NRCAM: variants seen among roughly 807,000 people sequenced by gnomAD.
The protein encoded by NRCAM is NgCAM-related cell adhesion molecule.
In NRCAM, 83 loss-of-function variants were observed where a neutral mutation model predicts 156.5. That is an observed-to-expected ratio of 0.53 (90% CI 0.44 to 0.64). The LOEUF is 0.64. Among genes scored for constraint, NRCAM ranks in the 30% least tolerant of loss-of-function variants. The pLI, the probability that NRCAM is intolerant of heterozygous loss-of-function variation, is 0.00. For missense variants in NRCAM, 1,417 were observed against 1,597.3 expected (o/e 0.89, Z 1.92); for synonymous variants, 538 against 563.9 (o/e 0.95, Z 0.65).
intron 2 of NRCAM, among the ~76,000 whole-genome samples, chr7:108,375,595 A>C (rs766248919): frequency 1.3e-5 from 2 of 152,178 alleles, no homozygotes; most frequent in Non-Finnish European, 2.9e-5. Flanking sequence ...AAGAAAAGAC[A>C]TGAGAGATAA....
At chr7:108,218,378 A>G (rs1419287069) in intron 11 of NRCAM, among the ~76,000 whole-genome samples, 1 of 152,228 alleles carries the variant, frequency 6.6e-6, no homozygotes, top group Non-Finnish European at 1.5e-5. Flanking sequence ...GCTCCTATTC[A>G]GCCATCTTTC....
chr7:108,153,748 C>A (rs1038208050), intron 32 of NRCAM, among the ~76,000 whole-genome samples: 2 of 151,998 alleles, frequency 1.3e-5, no homozygotes, highest in African/African-American at 4.8e-5. Flanking sequence ...TTGCTTGATA[C>A]AAGATTAGCA....
Position 108,335,434 on chromosome 7 carries a change from C to CTTTTTTTTT in NRCAM, c.-173-22712_-173-22704dup, listed in dbSNP as rs58975301. On this transcript the variant is annotated intron_variant, in intron 2 of 32. Transcript: ENST00000379028. Reference sequence around the variant, plus strand: ...ATGTCCTGTGGATCTGTTCCACCTGCTTTTTTTTTTTTTTTTTTTTTTTTT... The same window carrying CTTTTTTTTT: ...ATGTCCTGTGGATCTGTTCCACCTGCTTTTTTTTTTTTTTTTTTTTTTTTTTTTTTTTTT... Among the ~76,000 whole-genome samples, 320 of 69,844 alleles carry CTTTTTTTTT rather than the reference C, an allele frequency of 4.6e-3. 8 individuals are homozygous for CTTTTTTTTT. The highest frequency in any genetic ancestry group is 8.3e-3 in the African/African-American group (141 of 17,026). The allele number at this position is 69,844 out of a possible 152,430, so 45.8% of individuals were successfully genotyped here. A position where few individuals can be genotyped will look rare whatever the true frequency, so the allele number is the denominator to read the frequency against.
intron 3 of NRCAM, among the ~76,000 whole-genome samples, chr7:108,255,315 C>T (rs941750294): frequency 2.6e-5 from 4 of 152,114 alleles, no homozygotes; most frequent in African/African-American, 9.7e-5. Context: ...TGCAGGTGTG[C>T]GCCGCCACGC....
intron 3 of NRCAM, among the ~76,000 whole-genome samples, chr7:108,268,290 AAAG>A (rs1386135009): frequency 6.6e-6 from 1 of 152,234 alleles, no homozygotes; most frequent in Non-Finnish European, 1.5e-5. Context: ...GCAAACAGGA[AAAG>A]AAGCAGTGGA....
chr7:108,308,551 G>GA (rs2098753001), intron 3 of NRCAM, among the ~76,000 whole-genome samples: 1 of 152,110 alleles, frequency 6.6e-6, no homozygotes, highest in East Asian at 1.9e-4. Context: ...GGAGAGGGGG[G>GA]AACACATAAA....
chr7:108,232,770 T>C (rs1334658674), intron 6 of NRCAM, among the ~76,000 whole-genome samples: 1 of 152,140 alleles, frequency 6.6e-6, no homozygotes, highest in Non-Finnish European at 1.5e-5. Flanking sequence ...AAAGAAATCA[T>C]GCACACAAAT....
intron 2 of NRCAM, among the ~76,000 whole-genome samples, chr7:108,394,984 T>C (rs550735467): frequency 6.6e-6 from 1 of 152,372 alleles, no homozygotes; most frequent in Admixed American, 6.5e-5. Context: ...CAAAATTATT[T>C]ATTATTTAAT....
chr7:108,339,840 G>A (rs1456856264), intron 2 of NRCAM, among the ~76,000 whole-genome samples: 1 of 152,044 alleles, frequency 6.6e-6, no homozygotes, highest in Admixed American at 6.6e-5. Flanking sequence ...ACACCCCTAA[G>A]ATGTATTCTG....
intron 1 of NRCAM, among the ~76,000 whole-genome samples, chr7:108,404,672 A>G (rs142542958): frequency 6.6e-6 from 1 of 152,280 alleles, no homozygotes; most frequent in East Asian, 1.9e-4. Context: ...CATATATTTG[A>G]TCCTCATGAC....
intron 32 of NRCAM, among the ~76,000 whole-genome samples, chr7:108,154,304 T>A (rs1250411725): frequency 6.6e-6 from 1 of 152,178 alleles, no homozygotes; most frequent in Non-Finnish European, 1.5e-5. Context: ...ATTTTTATGC[T>A]ATCATAACTA....
chr7:108,242,341 T>C lies in NRCAM; in HGVS notation c.-106-2171A>G, dbSNP rs376755381. On this transcript the variant is annotated intron_variant, in intron 3 of 32. Coordinates refer to ENST00000379028, the MANE Select transcript of NRCAM (RefSeq NM_001037132.4). ...TATTATTTTGTGAATAAAACATCCATATTATTTGGCTTCATTTGAGATCCA... is the reference window on the plus strand; with the variant it reads ...TATTATTTTGTGAATAAAACATCCACATTATTTGGCTTCATTTGAGATCCA... Among the ~76,000 whole-genome samples the C allele has an allele frequency of 7.9e-5, 12 of 151,392 alleles. No individual in the cohort carries two copies. In the East Asian group the frequency reaches 2.3e-3, roughly 29 times the overall value.
At chr7:108,408,532 C>T (rs1445375498) in intron 1 of NRCAM, among the ~76,000 whole-genome samples, 1 of 152,188 alleles carries the variant, frequency 6.6e-6, no homozygotes, top group Non-Finnish European at 1.5e-5. Context: ...CAGAGGGCAC[C>T]ATCCTCCCCT....
At position 108,150,170 on chromosome 7, in the gene NRCAM, T is replaced by G. The variant is rs1312851222; in HGVS notation, c.3678-23A>C. The G allele has an allele frequency of 2.6e-6, 4 of 1,565,976 alleles. No homozygotes were observed. In the African/African-American group the frequency reaches 5.5e-5, roughly 22 times the overall value. On this transcript the variant is annotated intron_variant, in intron 32 of 32. Coordinates refer to ENST00000379028, the MANE Select transcript of NRCAM (RefSeq NM_001037132.4). ...TCACTGGAAGAAAGAGAAAACATTT[T>G]TGTCAAGATTGGCATTTAGGTAACA...
intron 12 of NRCAM, among the ~76,000 whole-genome samples, chr7:108,208,551 T>C (rs893850806): frequency 6.6e-6 from 1 of 152,206 alleles, no homozygotes; most frequent in Non-Finnish European, 1.5e-5. Flanking sequence ...TGCATTAATG[T>C]CTTGTTTCTG....
At chr7:108,157,095 T>C (rs967925983) in intron 32 of NRCAM, among the ~76,000 whole-genome samples, 3 of 152,124 alleles carry the variant, frequency 2.0e-5, no homozygotes, top group Admixed American at 6.6e-5. Flanking sequence ...TTTAGTTTCA[T>C]TGAAAAAATT....
At chr7:108,189,333 C>G (rs2069532801) in intron 20 of NRCAM, among the ~76,000 whole-genome samples, 1 of 152,162 alleles carries the variant, frequency 6.6e-6, no homozygotes. Context: ...GCAAAATAAA[C>G]AACTAACTTA....
At chr7:108,198,277 C>A (rs563293423) in intron 13 of NRCAM, among the ~76,000 whole-genome samples, 178 bp from the exon 14 acceptor site, 1 of 152,168 alleles carries the variant, frequency 6.6e-6, no homozygotes, top group African/African-American at 2.4e-5. Context: ...TATATATTAG[C>A]AAGGGTATGT....
chr7:108,163,690 G>A (rs189459018), intron 30 of NRCAM, among the ~76,000 whole-genome samples: 4 of 151,976 alleles, frequency 2.6e-5, no homozygotes, highest in East Asian at 1.9e-4. Context: ...GAGAGGTCAC[G>A]TCTGGTCATA....
Sources: gnomAD v4.1 joint callset for allele counts (sites outside exome capture counted in the v4.1 genomes callset) on GRCh38, gnomAD v4.1.1 for gene constraint, MANE v1.5 for transcripts, NCBI Gene and HGNC (gene_info 2026-07-23, HGNC 2026-07-21) for gene names.